The following ISG20L2 variants were observed in gnomAD, a reference collection of about 807,000 sequenced individuals.
The protein encoded by ISG20L2 is interferon stimulated exonuclease gene 20 like 2.
In ISG20L2, 14 loss-of-function variants were observed where a neutral mutation model predicts 27.8. The observed-to-expected ratio is 0.50, with a 90% CI of 0.33 to 0.79. The LOEUF (loss-of-function observed/expected upper bound fraction) is 0.79, where lower values mean the gene tolerates loss of function less well. Among genes scored for constraint, ISG20L2 ranks in the 30% least tolerant of loss-of-function variants. ISG20L2 has a pLI of 0.02. For synonymous variants in ISG20L2, 157 were observed against 165.7 expected (o/e 0.95, Z 0.40); for missense variants, 393 against 435.1 (o/e 0.90, Z 0.86).
At position 156,723,312 on chromosome 1, in the gene ISG20L2, C is replaced by T. The variant is rs1278989324; in HGVS notation, c.*37G>A. ...ACTGCCCTGTTTCTCCTGGGTGCTG[C>T]CTCTGCCTCCTCATATCACCAGCGT... On this transcript the variant is annotated 3_prime_UTR_variant, in exon 4 of 4. Transcript: ENST00000368219. The T allele has an allele frequency of 6.2e-7, 1 of 1,613,048 alleles. No individual in the cohort carries two copies. Among genetic ancestry groups the T allele is most frequent in the Admixed American group, 1.7e-5 (1 of 59,986 alleles).
At chr1:156,724,004 A>G in intron 3 of ISG20L2, 144 bp downstream of exon 3, 1 of 1,114,988 alleles carries the variant, frequency 9.0e-7, no homozygotes, top group Non-Finnish European at 1.3e-6. Flanking sequence ...AGGAATTATT[A>G]TCCTGTGTAC....
intron 3 of ISG20L2, 148 bp downstream of exon 3, chr1:156,723,997 AATT>A (rs1432088738): frequency 1.2e-5 from 14 of 1,135,094 alleles, no homozygotes; most frequent in Non-Finnish European, 1.8e-5. Flanking sequence ...AGACAACAGG[AATT>A]ATTATCCTGT....
intron 2 of ISG20L2, chr1:156,726,511 C>T: frequency 1.2e-6 from 1 of 803,854 alleles, no homozygotes; most frequent in East Asian, 1.3e-4. Context: ...TCACTGCAGC[C>T]TCGACCTCCT....
At chr1:156,727,944 C>T in intron 1 of ISG20L2, 175 bp from the exon 2 acceptor site, 4 of 1,139,548 alleles carry the variant, frequency 3.5e-6, no homozygotes, top group Non-Finnish European at 4.3e-6. Context: ...GCCAGCAAGC[C>T]TGGATTCTAG....
intron 2 of ISG20L2, chr1:156,726,247 G>A (rs1231249036): frequency 7.1e-6 from 7 of 985,128 alleles, no homozygotes; most frequent in Non-Finnish European, 7.2e-6. Flanking sequence ...CTTTTTGCTT[G>A]GGACGAGCTC....
At position 156,723,400 on chromosome 1, in the gene ISG20L2, C is replaced by A. The variant is rs1207445973; in HGVS notation, c.1011G>T (p.Leu337Phe). The A allele has an allele frequency of 6.2e-7, 1 of 1,614,042 alleles. No homozygotes were observed. The highest frequency in any genetic ancestry group is 1.3e-5 in the African/African-American group (1 of 74,906). ...GGTGCTCTTCCCACTCGACTTCAAC[C>A]AACTTATATAGCTCCATGGTGGCCT... is the stretch of plus-strand genomic sequence containing the variant. ...DAQATMELYK[L>F]VEVEWEEHLA... Residue 337 changes from leucine (L) to phenylalanine (F), a missense_variant, in exon 4 of 4, where the codon TTG becomes TTT. Around this residue, in one of 3 missense-constraint regions of ISG20L2, gnomAD observed 171 missense variants for 195.3 expected, o/e 0.88. Transcript: ENST00000368219.
At chr1:156,723,525 ACT>A (rs1161123170) in intron 3 of ISG20L2, 63 bp from the exon 4 acceptor site, 2 of 1,601,530 alleles carry the variant, frequency 1.2e-6, no homozygotes, top group African/African-American at 2.7e-5. Flanking sequence ...TTCCCAGTGT[ACT>A]CTCTGTACTC....
intron 3 of ISG20L2, chr1:156,723,694 T>TA (rs1648631946): frequency 1.0e-6 from 1 of 985,300 alleles, no homozygotes; most frequent in Admixed American, 6.2e-5. Flanking sequence ...GCAGTATGTA[T>TA]AAGCCATATT....
chr1:156,728,678 C>A lies in ISG20L2; in HGVS notation c.-381G>T. On this transcript the variant is annotated 5_prime_UTR_variant, in exon 1 of 4. Transcript: ENST00000368219. ...CGGCCCCTCTAGCCCCGTGGTGGTA[C>A]AACGCGAAGGTGTGGGAAGGCCGCG... 3 of 987,936 alleles carry A rather than the reference C, an allele frequency of 3.0e-6. No individual in the cohort carries two copies. Among genetic ancestry groups the A allele is most frequent in the Non-Finnish European group, 2.4e-6 (2 of 831,136 alleles). 61.2% of individuals were successfully genotyped at this position (987,936 alleles called of 1,614,324 possible). A position where few individuals can be genotyped will look rare whatever the true frequency, so the allele number is the denominator to read the frequency against.
Position 156,723,151 on chromosome 1 carries a change from C to T in ISG20L2, c.*198G>A. 1.6e-6 allele frequency: 1 copy of T among 645,116 alleles called. No individual in the cohort carries two copies. Among genetic ancestry groups the T allele is most frequent in the Non-Finnish European group, 2.6e-6 (1 of 379,750 alleles). 40.0% of individuals were successfully genotyped at this position (645,116 alleles called of 1,614,324 possible). A position where few individuals can be genotyped will look rare whatever the true frequency, so the allele number is the denominator to read the frequency against. ...GTTCTGACGTGAAGGCTTTCCCCTTCCATGGGACACTTAACCAGACACAGG... is the reference window on the plus strand; with the variant it reads ...GTTCTGACGTGAAGGCTTTCCCCTTTCATGGGACACTTAACCAGACACAGG... On this transcript the variant is annotated 3_prime_UTR_variant, in exon 4 of 4. Coordinates refer to ENST00000368219, the MANE Select transcript of ISG20L2 (RefSeq NM_001370150.2).
chr1:156,728,384 A>T (rs1648912910), intron 1 of ISG20L2, 31 bp downstream of exon 1: 1 of 985,666 alleles, frequency 1.0e-6, no homozygotes. Context: ...TCCCCGCGGT[A>T]CAGATCGATC....
intron 3 of ISG20L2, 85 bp from the exon 4 acceptor site, chr1:156,723,547 CT>C: frequency 6.4e-7 from 1 of 1,570,096 alleles, no homozygotes; most frequent in Non-Finnish European, 8.6e-7. Flanking sequence ...CCTCTTCCCC[CT>C]GCCTCCGCTA....
chr1:156,722,947 A>C lies in ISG20L2; in HGVS notation c.*402T>G. On this transcript the variant is annotated 3_prime_UTR_variant, in exon 4 of 4. Coordinates refer to ENST00000368219, the MANE Select transcript of ISG20L2 (RefSeq NM_001370150.2). ...CTGAGCGTGGAAGAGGATGCTGTTA[A>C]TTACTCAAGACCAAAAGGCATAAAA... is the stretch of plus-strand genomic sequence containing the variant. 1 of 178,944 alleles carries C rather than the reference A, an allele frequency of 5.6e-6. No homozygotes were observed. The highest frequency in any genetic ancestry group is 1.2e-5 in the Non-Finnish European group (1 of 83,230). 11.1% of individuals were successfully genotyped at this position (178,944 alleles called of 1,614,324 possible).
At chr1:156,728,248 A>G (rs1359345378) in intron 1 of ISG20L2, 167 bp downstream of exon 1, 1 of 985,920 alleles carries the variant, frequency 1.0e-6, no homozygotes, top group African/African-American at 1.7e-5. Context: ...CCAGGCCGGA[A>G]TTGGGGGCAA....
Position 156,728,429 on chromosome 1 carries a change from C to A in ISG20L2, c.-132G>T, listed in dbSNP as rs1648916653. ...CACAAACCTACCTCCCAGACGGGTC[C>A]AGCTAAGACCGGAAGCGTCCGGAGC... On this transcript the variant is annotated 5_prime_UTR_variant, in exon 1 of 4. Transcript: ENST00000368219. The A allele has an allele frequency of 2.0e-6, 2 of 985,756 alleles. No homozygotes were observed. Among genetic ancestry groups the A allele is most frequent in the Non-Finnish European group, 2.4e-6 (2 of 829,990 alleles). The allele number at this position is 985,756 out of a possible 1,614,324, so 61.1% of individuals were successfully genotyped here.
chr1:156,728,301 C>T (rs545081446), intron 1 of ISG20L2, 114 bp downstream of exon 1: 1 of 985,922 alleles, frequency 1.0e-6, no homozygotes, highest in East Asian at 1.1e-4. Flanking sequence ...CACGCAAGGA[C>T]CTTGACACCA....
rs992620875 is a variant in ISG20L2, at chr1:156,726,084, C to A, written c.747+822G>T. The A allele has an allele frequency of 4.1e-6, 4 of 985,324 alleles. No homozygotes were observed. The African/African-American group carries it at 7.0e-5, about 17-fold the overall frequency. The allele number at this position is 985,324 out of a possible 1,614,324, so 61.0% of individuals were successfully genotyped here. ...CTTGCGCTCCATGGCCAGCACAGGG[C>A]TAGGAGTGAGATGACAACCCGAAGT... On this transcript the variant is annotated intron_variant, in intron 2 of 3. Coordinates refer to ENST00000368219, the MANE Select transcript of ISG20L2 (RefSeq NM_001370150.2).
chr1:156,726,872 C>T (rs1404198113), intron 2 of ISG20L2, 34 bp downstream of exon 2: 1 of 1,585,944 alleles, frequency 6.3e-7, no homozygotes, highest in African/African-American at 1.3e-5. Flanking sequence ...TCTCCATCCA[C>T]CTCCCTGCCA....
Position 156,727,216 on chromosome 1 carries a change from G to C in ISG20L2, c.437C>G (p.Ser146Cys). The C allele has an allele frequency of 1.2e-6, 2 of 1,613,982 alleles. No individual in the cohort carries two copies. The highest frequency in any genetic ancestry group is 1.7e-6 in the Non-Finnish European group (2 of 1,180,020). The change falls in exon 2 of 4, where the codon TCT becomes TGT. Residue 146 changes from serine (S) to cysteine (C), a missense_variant. Coordinates refer to ENST00000368219, the MANE Select transcript of ISG20L2 (RefSeq NM_001370150.2). ...SQKKSSQKKSSKKNHPQKNAP... is the reference protein window; with the variant it reads ...SQKKSSQKKSCKKNHPQKNAP... ...ATTCTTCTGAGGATGGTTCTTTTTA[G>C]AGGATTTCTTCTGGGAGCTCTTCTT...
Sources: allele counts gnomAD v4.1 joint callset, GRCh38; gene constraint gnomAD v4.1.1; regional missense constraint gnomAD v4.1.1; transcripts MANE v1.5; gene names NCBI Gene and HGNC (gene_info 2026-07-23, HGNC 2026-07-21).